ENTPD7: variants seen among roughly 807,000 people sequenced by gnomAD.
The protein encoded by ENTPD7 is ectonucleoside triphosphate diphosphohydrolase 7, also known as NTPDase 7.
Under a neutral mutation model 77.9 loss-of-function variants are expected in ENTPD7, and 53 were observed. That is an observed-to-expected ratio of 0.68 (90% CI 0.55 to 0.85). The LOEUF is 0.85. Among genes scored for constraint, ENTPD7 ranks in the 40% least tolerant of loss-of-function variants. The probability of loss-of-function intolerance (pLI) is 0.00; values close to 1 mark genes in which losing one functional copy is unlikely to be tolerated. For missense variants in ENTPD7, 636 were observed against 743.7 expected (o/e 0.86, Z 1.68); for synonymous variants, 248 against 274.9 (o/e 0.90, Z 0.97).
chr10:99,678,433 A>C (rs1222019683), intron 3 of ENTPD7, among the ~76,000 whole-genome samples: 1 of 150,462 alleles, frequency 6.6e-6, no homozygotes, highest in Admixed American at 6.6e-5. Context: ...ATGCCACTGC[A>C]CTCTAGCCTA....
chr10:99,685,649 A>C, intron 5 of ENTPD7, 143 bp from the exon 6 acceptor site: 1 of 605,836 alleles, frequency 1.7e-6, no homozygotes, highest in Non-Finnish European at 2.9e-6. Flanking sequence ...CAAAGGCGGT[A>C]CCAAAAAGAA....
intron 5 of ENTPD7, 79 bp downstream of exon 5, chr10:99,679,954 G>T: frequency 6.6e-7 from 1 of 1,505,348 alleles, no homozygotes; most frequent in Non-Finnish European, 8.9e-7. Context: ...TGTCCTCTGT[G>T]GTTCCCTGGT....
At chr10:99,681,012 G>A (rs373539179) in intron 5 of ENTPD7, among the ~76,000 whole-genome samples, 25 of 152,234 alleles carry the variant, frequency 1.6e-4, no homozygotes, top group African/African-American at 5.8e-4. Context: ...TGTCGTTAGT[G>A]TTCATCCACC....
chr10:99,663,583 CCGAGTAA>C (rs1452382111), intron 3 of ENTPD7, among the ~76,000 whole-genome samples: 5 of 152,016 alleles, frequency 3.3e-5, no homozygotes, highest in Admixed American at 6.6e-5. Flanking sequence ...CCTCAGCCTC[CCGAGTAA>C]CTGGGACTAC....
intron 11 of ENTPD7, 123 bp from the exon 12 acceptor site, chr10:99,702,389 G>A (rs2036155896): frequency 2.6e-6 from 2 of 761,434 alleles, no homozygotes; most frequent in East Asian, 5.8e-5. Flanking sequence ...TAGAGGTGAG[G>A]AAGGTGAAGC....
At chr10:99,698,421 G>C (rs909510273) in intron 9 of ENTPD7, 113 bp from the exon 10 acceptor site, 2 of 1,030,722 alleles carry the variant, frequency 1.9e-6, no homozygotes, top group African/African-American at 1.6e-5. Context: ...CGTTTCTAGA[G>C]ATATCATGAA....
chr10:99,680,719 T>C (rs2035741998), intron 5 of ENTPD7, among the ~76,000 whole-genome samples: 1 of 151,980 alleles, frequency 6.6e-6, no homozygotes, highest in Non-Finnish European at 1.5e-5. Context: ...CCTAAGTAGC[T>C]GGGACTACAG....
intron 3 of ENTPD7, among the ~76,000 whole-genome samples, chr10:99,675,459 T>C (rs11814602): frequency 0.031 from 4,757 of 151,188 alleles, 230 homozygotes; most frequent in African/African-American, 0.11. Flanking sequence ...TCAAAGTGCA[T>C]GTTAAACCCA....
Position 99,704,548 on chromosome 10 carries a change from G to T in ENTPD7, c.1680G>T (p.Val560=), listed in dbSNP as rs1464578999. 1 of 1,614,048 alleles carries T rather than the reference G, an allele frequency of 6.2e-7. No individual in the cohort carries two copies. Among genetic ancestry groups the T allele is most frequent in the African/African-American group, 1.3e-5 (1 of 74,920 alleles). Residue 560 remains valine (V), a synonymous_variant, in exon 13 of 13, where the codon GTG becomes GTT. Coordinates refer to ENST00000370489, the MANE Select transcript of ENTPD7 (RefSeq NM_020354.5). Reference sequence around the variant, plus strand: ...ATCTCTTCTTTGCCTGTATCCTGGTGGTGCTACTGGCCATCTTCCTATACC... The same window carrying T: ...ATCTCTTCTTTGCCTGTATCCTGGTTGTGCTACTGGCCATCTTCCTATACC... ...NHYLFFACIL[V]VLLAIFLYLL...
intron 3 of ENTPD7, among the ~76,000 whole-genome samples, chr10:99,676,068 A>T (rs916771131): frequency 5.3e-5 from 8 of 151,934 alleles, no homozygotes; most frequent in Non-Finnish European, 1.2e-4. Flanking sequence ...GAAAATTGAA[A>T]TTTTTCAGTA....
intron 3 of ENTPD7, among the ~76,000 whole-genome samples, chr10:99,669,042 CTT>C (rs35881509): frequency 4.4e-5 from 6 of 137,780 alleles, no homozygotes; most frequent in Admixed American, 7.5e-5. Context: ...TTTTATATAT[CTT>C]TTTTTTTTTT....
intron 3 of ENTPD7, among the ~76,000 whole-genome samples, chr10:99,673,460 A>G (rs1202249870): frequency 6.6e-6 from 1 of 152,248 alleles, no homozygotes; most frequent in African/African-American, 2.4e-5. Flanking sequence ...TCAGAGTTCC[A>G]GGAAAAGGTA....
chr10:99,696,218 TG>T, intron 9 of ENTPD7, 96 bp downstream of exon 9: 1 of 1,420,534 alleles, frequency 7.0e-7, no homozygotes, highest in Middle Eastern at 1.9e-4. Context: ...GATAAGTCCC[TG>T]CTTCCTCCTT....
intron 5 of ENTPD7, among the ~76,000 whole-genome samples, chr10:99,684,092 A>T (rs942058127): frequency 6.6e-6 from 1 of 152,062 alleles, no homozygotes; most frequent in South Asian, 2.1e-4. Flanking sequence ...GTCTCCCTCT[A>T]TCGCCCAGGC....
intron 9 of ENTPD7, among the ~76,000 whole-genome samples, chr10:99,698,203 C>T (rs779701072): frequency 1.7e-4 from 26 of 152,112 alleles, no homozygotes; most frequent in Admixed American, 6.5e-4. Flanking sequence ...ACACTCCGCA[C>T]GATAAGGTCC....
At chr10:99,693,024 G>C (rs2133483092) in intron 8 of ENTPD7, among the ~76,000 whole-genome samples, 1 of 152,294 alleles carries the variant, frequency 6.6e-6, no homozygotes, top group Non-Finnish European at 1.5e-5. Context: ...GGAGGGGACA[G>C]ATTTCAGGGG....
At position 99,679,360 on chromosome 10, in the gene ENTPD7, TTTTG is replaced by T; in HGVS notation, c.295_298del (p.Val99IlefsTer19). The T allele has an allele frequency of 6.2e-7, 1 of 1,614,144 alleles. No individual in the cohort carries two copies. The highest frequency in any genetic ancestry group is 1.1e-5 in the South Asian group (1 of 91,074). On this transcript the variant is annotated frameshift_variant, in exon 4 of 13. Coordinates refer to ENST00000370489, the MANE Select transcript of ENTPD7 (RefSeq NM_020354.5). LOFTEE classifies it high-confidence loss of function. ...ACTGTGGCAGCAGTGGTTCCCGGATTTTTGTTTATTTCTGGCCAAGACATAATGG... is the reference window on the plus strand; with the variant it reads ...ACTGTGGCAGCAGTGGTTCCCGGATTTTTATTTCTGGCCAAGACATAATGG...
At chr10:99,690,469 TTC>T (rs2035866214) in intron 7 of ENTPD7, among the ~76,000 whole-genome samples, 1 of 152,250 alleles carries the variant, frequency 6.6e-6, no homozygotes, top group Non-Finnish European at 1.5e-5. Context: ...ATCCTTTTTG[TTC>T]TGTTATGCTG....
In ENTPD7 at chr10:99,709,685, G is replaced by A. The variant is rs886046597; in HGVS notation, c.*5002G>A. The A allele has an allele frequency of 1.0e-6, 1 of 985,268 alleles. No individual in the cohort carries two copies. Among genetic ancestry groups the A allele is most frequent in the African/African-American group, 1.7e-5 (1 of 57,228 alleles). 61.0% of individuals were successfully genotyped at this position (985,268 alleles called of 1,614,324 possible). On this transcript the variant is annotated 3_prime_UTR_variant, in exon 13 of 13. Transcript: ENST00000370489. ...CCTGTTTGGGTGTCCCATCTACCCT[G>A]TTTTCTGTTTCTGCAGATGGCTTGT... is the stretch of plus-strand genomic sequence containing the variant.
Sources: allele counts gnomAD v4.1 joint callset (sites outside exome capture counted in the v4.1 genomes callset), GRCh38; gene constraint gnomAD v4.1.1; transcripts MANE v1.5; gene names NCBI Gene and HGNC (gene_info 2026-07-23, HGNC 2026-07-21).